Variants in ATP11A observed in about 807,000 individuals in gnomAD.
ATP11A encodes ATPase phospholipid transporting 11A, also known as phospholipid-transporting ATPase IH.
ATP11A carries 81 observed loss-of-function variants against 154.4 expected under a neutral mutation model. The ratio of observed to expected loss-of-function variants is 0.52; its 90% CI spans 0.44 to 0.63. The LOEUF is 0.63. Among genes scored for constraint, ATP11A ranks in the 30% least tolerant of loss-of-function variants. ATP11A has a pLI of 0.00. For synonymous variants in ATP11A, 623 were observed against 585.9 expected (o/e 1.06, Z -0.91); for missense variants, 1,316 against 1,474.3 (o/e 0.89, Z 1.76).
rs2080959721 is a variant in ATP11A at position 112,885,376 on chromosome 13, C to T, written c.*3510C>T. The T allele has an allele frequency of 1.3e-5, 2 of 152,230 alleles. No individual in the cohort carries two copies. Among genetic ancestry groups the T allele is most frequent in the South Asian group, 2.1e-4 (1 of 4,836 alleles). The allele number at this position is 152,230 out of a possible 1,614,324, so 9.4% of individuals were successfully genotyped here. A position where few individuals can be genotyped will look rare whatever the true frequency, so the allele number is the denominator to read the frequency against. On this transcript the variant is annotated 3_prime_UTR_variant, in exon 30 of 30. Transcript: ENST00000375645. Reference sequence around the variant, plus strand: ...CACGCACACGTACATTCACTACAAACGTGCAGCCTCCTGCACACGTGCACA... The same window carrying T: ...CACGCACACGTACATTCACTACAAATGTGCAGCCTCCTGCACACGTGCACA...
chr13:112,828,598 TGC>T (rs1566540331), intron 12 of ATP11A, among the ~76,000 whole-genome samples: 9 of 151,680 alleles, frequency 5.9e-5, no homozygotes, highest in Non-Finnish European at 1.2e-4. Flanking sequence ...CGGTGTTGAG[TGC>T]AAGGGAAAGC....
intron 20 of ATP11A, chr13:112,856,686 A>G (rs1159650906): frequency 2.0e-5 from 3 of 152,260 alleles, no homozygotes. Flanking sequence ...GTAAACATGG[A>G]TGTCTTTCTG....
intron 14 of ATP11A, among the ~76,000 whole-genome samples, chr13:112,833,983 C>T (rs2079165123): frequency 6.6e-6 from 1 of 152,252 alleles, no homozygotes; most frequent in African/African-American, 2.4e-5. Flanking sequence ...GCACGTCTGT[C>T]TCCCGGGTCC....
chr13:112,752,316 G>T (rs1176802699), intron 1 of ATP11A, among the ~76,000 whole-genome samples: 3 of 152,208 alleles, frequency 2.0e-5, no homozygotes, highest in Non-Finnish European at 4.4e-5. Context: ...GCCTTTTTCT[G>T]TGCTGCAGTC....
intron 25 of ATP11A, among the ~76,000 whole-genome samples, chr13:112,869,497 A>T (rs2080444314): frequency 6.6e-6 from 1 of 152,148 alleles, no homozygotes; most frequent in Non-Finnish European, 1.5e-5. Context: ...TGCAGTTATC[A>T]CCTGTGGCGC....
At chr13:112,836,379 A>G (rs2079235140) in intron 16 of ATP11A, 128 bp downstream of exon 16, 1 of 557,436 alleles carries the variant, frequency 1.8e-6, no homozygotes, top group Non-Finnish European at 3.0e-6. Context: ...TTTAAAAACT[A>G]TAGACAAATC....
chr13:112,760,304 G>T (rs1431673500), intron 1 of ATP11A, among the ~76,000 whole-genome samples: 1 of 152,206 alleles, frequency 6.6e-6, no homozygotes, highest in African/African-American at 2.4e-5. Context: ...GCGCTGCTGT[G>T]TCCTGGGTGC....
chr13:112,843,736 C>T (rs912909976), intron 17 of ATP11A, among the ~76,000 whole-genome samples: 6 of 152,146 alleles, frequency 3.9e-5, no homozygotes, highest in African/African-American at 9.7e-5. Flanking sequence ...GAATTCCTGC[C>T]GATGGACAGG....
rs993772297 is a variant in ATP11A at position 112,883,878 on chromosome 13, G to A, written c.*2012G>A. The A allele has an allele frequency of 2.0e-5, 3 of 152,568 alleles. No homozygotes were observed. The highest frequency in any genetic ancestry group is 6.5e-5 in the Admixed American group (1 of 15,284). 9.5% of individuals were successfully genotyped at this position (152,568 alleles called of 1,614,324 possible). ...TGGGCATAAATGTAACACCTGTAGC[G>A]GGGGCAGATTCTCTGTATGTTCAGT... On this transcript the variant is annotated 3_prime_UTR_variant, in exon 30 of 30. Coordinates refer to ENST00000375645, the MANE Select transcript of ATP11A (RefSeq NM_015205.3).
rs2080916182 is a variant in ATP11A at position 112,882,911 on chromosome 13, A to G, written c.*1045A>G. ...CCTGTCTCGGGCTGACGGGGGTGGC[A>G]CACAGGACACGGGTGGATCCCAACA... On this transcript the variant is annotated 3_prime_UTR_variant, in exon 30 of 30. Transcript: ENST00000375645. This position sits in a 1 kb window ranked among gnomAD's most constrained non-coding sequence, Gnocchi z 5.1. 1 of 398,734 alleles carries G rather than the reference A, an allele frequency of 2.5e-6. No homozygotes were observed. The highest frequency in any genetic ancestry group is 2.1e-5 in the African/African-American group (1 of 48,584). 24.7% of individuals were successfully genotyped at this position (398,734 alleles called of 1,614,324 possible). A position where few individuals can be genotyped will look rare whatever the true frequency, so the allele number is the denominator to read the frequency against.
chr13:112,832,785 C>A, intron 13 of ATP11A, 75 bp from the exon 14 acceptor site: 3 of 1,512,822 alleles, frequency 2.0e-6, no homozygotes, highest in Non-Finnish European at 9.0e-7. Flanking sequence ...TTCTTGTTAT[C>A]TCTCTGCGCC....
chr13:112,865,162 G>A (rs2080283685), intron 25 of ATP11A, among the ~76,000 whole-genome samples: 1 of 81,744 alleles, frequency 1.2e-5, no homozygotes, highest in Non-Finnish European at 2.4e-5. Flanking sequence ...GCAGGCCCGC[G>A]CAGCTTCCCA....
chr13:112,841,828 G>A (rs542150681), intron 16 of ATP11A, among the ~76,000 whole-genome samples: 2 of 152,364 alleles, frequency 1.3e-5, no homozygotes, highest in South Asian at 2.1e-4. Flanking sequence ...TGACGCAAAC[G>A]TTTCCCCTGA....
rs1215540789 is a variant in ATP11A, at chr13:112,883,734, C to G, written c.*1868C>G. ...GTCCCGAGGGGCCAGCCGCAGGCGT[C>G]CCCAGGGCCACCCTGCCCTGAGGTC... On this transcript the variant is annotated 3_prime_UTR_variant, in exon 30 of 30. Coordinates refer to ENST00000375645, the MANE Select transcript of ATP11A (RefSeq NM_015205.3). 1 of 152,586 alleles carries G rather than the reference C, an allele frequency of 6.6e-6. No homozygotes were observed. The highest frequency in any genetic ancestry group is 1.5e-5 in the Non-Finnish European group (1 of 68,062). The allele number at this position is 152,586 out of a possible 1,614,324, so 9.5% of individuals were successfully genotyped here.
rs111829919 is a variant in ATP11A at position 112,791,056 on chromosome 13, T to C, written c.162+5799T>C. 9.2e-4 allele frequency among the ~76,000 whole-genome samples: 140 copies of C among 152,312 alleles called. 1 individual carries two copies. The highest frequency in any genetic ancestry group is 3.2e-3 in the African/African-American group (135 of 41,558). ...CTCTGCAGTGGTAATACTTACAAAGTCGACGCAGTCTCAGGCGGAGCTCAC... is the reference window on the plus strand; with the variant it reads ...CTCTGCAGTGGTAATACTTACAAAGCCGACGCAGTCTCAGGCGGAGCTCAC... On this transcript the variant is annotated intron_variant, in intron 2 of 29. Coordinates refer to ENST00000375645, the MANE Select transcript of ATP11A (RefSeq NM_015205.3).
chr13:112,814,733 C>T (rs532524367), intron 5 of ATP11A, among the ~76,000 whole-genome samples: 2 of 152,314 alleles, frequency 1.3e-5, no homozygotes, highest in South Asian at 4.1e-4. Context: ...GCCCACCAAT[C>T]CCACACTGTT....
intron 29 of ATP11A, chr13:112,880,446 T>A: frequency 9.4e-7 from 1 of 1,059,320 alleles, no homozygotes; most frequent in Non-Finnish European, 1.2e-6. Context: ...GCTTCGAGCC[T>A]CTTCCTGCTG....
At chr13:112,858,395 C>A in intron 22 of ATP11A, 105 bp downstream of exon 22, 1 of 1,181,524 alleles carries the variant, frequency 8.5e-7, no homozygotes, top group Middle Eastern at 3.0e-4. Flanking sequence ...CATTGATCTC[C>A]GAGGAGCAGC....
At chr13:112,850,961 T>TG (rs2079746948) in intron 17 of ATP11A, 76 bp from the exon 18 acceptor site, 2 of 1,408,450 alleles carry the variant, frequency 1.4e-6, no homozygotes, top group African/African-American at 2.9e-5. Flanking sequence ...GAAGGGATAC[T>TG]GGGAAGGCCG....
Sources: allele counts gnomAD v4.1 joint callset (sites outside exome capture counted in the v4.1 genomes callset), GRCh38; gene constraint gnomAD v4.1.1; non-coding constraint Gnocchi (gnomAD v3.1); transcripts MANE v1.5; gene names NCBI Gene and HGNC (gene_info 2026-07-23, HGNC 2026-07-21).